MEGF9: variants seen among roughly 807,000 people sequenced by gnomAD.
The protein encoded by MEGF9 is multiple epidermal growth factor-like domains protein 9.
Under a neutral mutation model 46.8 loss-of-function variants are expected in MEGF9, and 6 were observed. That is an observed-to-expected ratio of 0.13 (90% CI 0.07 to 0.25). The LOEUF is 0.25. MEGF9 is among the 10% of genes least tolerant of loss of function. The pLI is 1.00. For missense variants in MEGF9, 683 were observed against 792.4 expected (o/e 0.86, Z 1.66); for synonymous variants, 302 against 330.7 (o/e 0.91, Z 0.94).
intron 1 of MEGF9, among the ~76,000 whole-genome samples, chr9:120,663,383 A>T (rs549062733): frequency 7.3e-4 from 111 of 152,362 alleles, no homozygotes; most frequent in Non-Finnish European, 1.2e-3. Flanking sequence ...GCTTGTAAGT[A>T]AAGTAAAATC....
intron 2 of MEGF9, among the ~76,000 whole-genome samples, chr9:120,641,133 T>G (rs80155787): frequency 0.016 from 2,421 of 152,318 alleles, 62 homozygotes; most frequent in African/African-American, 0.055. Flanking sequence ...ATTAATTCCA[T>G]GTCTTTGCTA....
chr9:120,681,094 CAGA>C (rs1263738899), intron 1 of MEGF9, among the ~76,000 whole-genome samples: 1 of 152,156 alleles, frequency 6.6e-6, no homozygotes, highest in African/African-American at 2.4e-5. Context: ...TTTTCTCAAA[CAGA>C]AGGAGTCTTT....
chr9:120,687,669 ACTGTGT>A lies in MEGF9; in HGVS notation c.601+26083_601+26088del, dbSNP rs1375326666. Among the ~76,000 whole-genome samples the A allele has an allele frequency of 1.6e-3, 100 of 61,538 alleles. 1 individual carries two copies. Among genetic ancestry groups the A allele is most frequent in the African/African-American group, 5.4e-3 (97 of 17,902 alleles). The allele number at this position is 61,538 out of a possible 152,430, so 40.4% of individuals were successfully genotyped here. ...ACAAAATTTGAAACATGAACACAAC[ACTGTGT>A]GTGTGTGTGTGTGTGTGTGTGTGTG... On this transcript the variant is annotated intron_variant, in intron 1 of 5. Coordinates refer to ENST00000373930, the MANE Select transcript of MEGF9 (RefSeq NM_001080497.3).
At chr9:120,701,561 G>A (rs912675905) in intron 1 of MEGF9, among the ~76,000 whole-genome samples, 11 of 152,086 alleles carry the variant, frequency 7.2e-5, no homozygotes, top group African/African-American at 1.4e-4. Context: ...CAGCAATCCC[G>A]TCTGATCTAA....
chr9:120,611,865 AAGAGAG>A (rs3983894), intron 4 of MEGF9, among the ~76,000 whole-genome samples: 11 of 137,222 alleles, frequency 8.0e-5, no homozygotes, highest in Middle Eastern at 3.5e-3. Flanking sequence ...GGAAGGAAGA[AAGAGAG>A]AGAGAGAGAG....
intron 1 of MEGF9, among the ~76,000 whole-genome samples, chr9:120,665,641 G>A (rs1298939485): frequency 6.6e-6 from 1 of 152,064 alleles, no homozygotes; most frequent in Non-Finnish European, 1.5e-5. Context: ...ACAAATAGCA[G>A]GATTTCATTA....
At position 120,603,317 on chromosome 9, in the gene MEGF9, G is replaced by A. The variant is rs1363405540; in HGVS notation, c.*1873C>T. On this transcript the variant is annotated 3_prime_UTR_variant, in exon 6 of 6. Transcript: ENST00000373930. ...GAAAAGTGCTTTGCAAACTACAAAG[G>A]GCTATAGAAAAACTAAATAATTTTC... is the stretch of plus-strand genomic sequence containing the variant. 6.6e-6 allele frequency: 1 copy of A among 152,086 alleles called. No homozygotes were observed. Among genetic ancestry groups the A allele is most frequent in the Non-Finnish European group, 1.5e-5 (1 of 68,020 alleles). 9.4% of individuals were successfully genotyped at this position (152,086 alleles called of 1,614,324 possible).
chr9:120,670,048 G>C (rs1362372580), intron 1 of MEGF9, among the ~76,000 whole-genome samples: 2 of 152,122 alleles, frequency 1.3e-5, no homozygotes, highest in African/African-American at 4.8e-5. Flanking sequence ...CTAGATTATA[G>C]AAAAATATTT....
chr9:120,609,374 CAGA>C (rs2043434506), intron 4 of MEGF9, among the ~76,000 whole-genome samples: 1 of 152,186 alleles, frequency 6.6e-6, no homozygotes, highest in South Asian at 2.1e-4. Context: ...CTCAGAAGCA[CAGA>C]AGTTTTCCTT....
At chr9:120,679,116 C>T (rs2043786591) in intron 1 of MEGF9, among the ~76,000 whole-genome samples, 1 of 152,222 alleles carries the variant, frequency 6.6e-6, no homozygotes, top group Admixed American at 6.5e-5. Flanking sequence ...CCAGCCATCT[C>T]ATTACTGGGT....
chr9:120,669,285 G>A (rs2043738557), intron 1 of MEGF9, among the ~76,000 whole-genome samples: 1 of 152,072 alleles, frequency 6.6e-6, no homozygotes, highest in South Asian at 2.1e-4. Flanking sequence ...ATTTCTCATA[G>A]TGGCTTAGCA....
At chr9:120,710,899 G>A (rs1357896966) in intron 1 of MEGF9, among the ~76,000 whole-genome samples, 1 of 152,170 alleles carries the variant, frequency 6.6e-6, no homozygotes, top group African/African-American at 2.4e-5. Flanking sequence ...CTAGATATTG[G>A]CAATCTAGAG....
chr9:120,714,441 C>T lies in MEGF9; in HGVS notation c.-83G>A. ...GCCTCCGCAACCGCCGCCGCCACCGCCACCGGGCGCACCATCGCCACCTCC... is the reference window on the plus strand; with the variant it reads ...GCCTCCGCAACCGCCGCCGCCACCGTCACCGGGCGCACCATCGCCACCTCC... On this transcript the variant is annotated 5_prime_UTR_variant, in exon 1 of 6. Transcript: ENST00000373930. 3 of 1,144,216 alleles carry T rather than the reference C, an allele frequency of 2.6e-6. No individual in the cohort carries two copies. The highest frequency in any genetic ancestry group is 3.3e-6 in the Non-Finnish European group (3 of 909,912). 70.9% of individuals were successfully genotyped at this position (1,144,216 alleles called of 1,614,324 possible). A position where few individuals can be genotyped will look rare whatever the true frequency, so the allele number is the denominator to read the frequency against.
chr9:120,708,219 G>A (rs1467758069), intron 1 of MEGF9, among the ~76,000 whole-genome samples: 6 of 152,084 alleles, frequency 3.9e-5, no homozygotes, highest in Non-Finnish European at 8.8e-5. Flanking sequence ...AAATAAATTA[G>A]CTGGGCGTGG....
rs1554799316 is a variant in MEGF9 at position 120,693,292 on chromosome 9, AAAG to A, written c.601+20463_601+20465del. 9.2e-3 allele frequency among the ~76,000 whole-genome samples: 1,351 copies of A among 147,410 alleles called. 16 individuals carry two copies. The highest frequency in any genetic ancestry group is 0.03 in the African/African-American group (1,161 of 38,516). The stretch of plus-strand genomic sequence containing the variant: ...TGGTTAACCAAAAAAAAAAAAAAAA[AAAG>A]AAGAAGAAGAAGAAGAAGAAAAAGG... On this transcript the variant is annotated intron_variant, in intron 1 of 5. Transcript: ENST00000373930.
At chr9:120,633,689 G>A (rs1401345820) in intron 2 of MEGF9, among the ~76,000 whole-genome samples, 2 of 151,878 alleles carry the variant, frequency 1.3e-5, no homozygotes, top group African/African-American at 2.4e-5. Flanking sequence ...TCATTAGGTT[G>A]TTTATTTGAA....
chr9:120,604,404 T>TG lies in MEGF9; in HGVS notation c.*785_*786insC, dbSNP rs2132295404. ...TTCCAGATGATAAAATATGACATGA[T>TG]TTTTTTTTTACAAATAGATACAAAT... On this transcript the variant is annotated 3_prime_UTR_variant, in exon 6 of 6. Transcript: ENST00000373930. 6.8e-6 allele frequency: 1 copy of TG among 146,922 alleles called. No individual in the cohort carries two copies. Among genetic ancestry groups the TG allele is most frequent in the East Asian group, 1.9e-4 (1 of 5,142 alleles). 9.1% of individuals were successfully genotyped at this position (146,922 alleles called of 1,614,324 possible). A position where few individuals can be genotyped will look rare whatever the true frequency, so the allele number is the denominator to read the frequency against.
intron 2 of MEGF9, among the ~76,000 whole-genome samples, chr9:120,652,066 T>A (rs1441271141): frequency 6.7e-6 from 1 of 148,964 alleles, no homozygotes; most frequent in African/African-American, 2.5e-5. Flanking sequence ...AATCTACTCA[T>A]ACTCAAGGGT....
chr9:120,611,350 T>C (rs570187507), intron 4 of MEGF9, among the ~76,000 whole-genome samples: 6 of 152,282 alleles, frequency 3.9e-5, no homozygotes, highest in Non-Finnish European at 8.8e-5. Context: ...AACACAAATG[T>C]CTATCAATTG....
Sources: allele counts gnomAD v4.1 joint callset (sites outside exome capture counted in the v4.1 genomes callset), GRCh38; gene constraint gnomAD v4.1.1; transcripts MANE v1.5; gene names NCBI Gene and HGNC (gene_info 2026-07-23, HGNC 2026-07-21).